Variants in STAU2 observed in about 807,000 individuals in gnomAD.
STAU2 encodes double-stranded RNA-binding protein Staufen homolog 2.
STAU2 carries 20 observed loss-of-function variants against 65.9 expected under a neutral mutation model. That is an observed-to-expected ratio of 0.30 (90% confidence interval 0.21 to 0.44). STAU2 has a LOEUF of 0.44. Ranked by LOEUF, STAU2 falls within the 20% of genes least tolerant of loss-of-function variation. The pLI is 1.00. For synonymous variants in STAU2, 232 were observed against 233.9 expected (o/e 0.99, Z 0.07); for missense variants, 558 against 683.9 (o/e 0.82, Z 2.05).
intron 12 of STAU2, among the ~76,000 whole-genome samples, chr8:73,572,560 T>C (rs1043382675): frequency 2.0e-5 from 3 of 152,172 alleles, no homozygotes; most frequent in Admixed American, 6.6e-5. Context: ...CACGATCAAG[T>C]TGGCTTCATC....
At chr8:73,727,174 G>A (rs1276567007) in intron 3 of STAU2, among the ~76,000 whole-genome samples, 1 of 152,174 alleles carries the variant, frequency 6.6e-6, no homozygotes, top group African/African-American at 2.4e-5. Flanking sequence ...AGGTTGCAGT[G>A]AGCTGAGATC....
chr8:73,629,369 T>C (rs972620151), intron 6 of STAU2, among the ~76,000 whole-genome samples: 8 of 152,322 alleles, frequency 5.3e-5, no homozygotes, highest in Non-Finnish European at 1.2e-4. Flanking sequence ...AATCTAAACA[T>C]ACATGCCAAG....
At chr8:73,422,860 G>C (rs1225557394) in intron 13 of STAU2, among the ~76,000 whole-genome samples, 158 bp from the exon 14 acceptor site, 1 of 152,156 alleles carries the variant, frequency 6.6e-6, no homozygotes, top group Non-Finnish European at 1.5e-5. Context: ...TGCATGATCA[G>C]GCAGCAGTGT....
intron 4 of STAU2, among the ~76,000 whole-genome samples, chr8:73,705,404 T>C (rs1051278899): frequency 1.3e-5 from 2 of 152,058 alleles, no homozygotes; most frequent in Non-Finnish European, 2.9e-5. Context: ...GTAAACCATC[T>C]CAAAGTATCA....
chr8:73,678,721 G>A (rs1818184864), intron 5 of STAU2, among the ~76,000 whole-genome samples: 1 of 152,168 alleles, frequency 6.6e-6, no homozygotes, highest in Non-Finnish European at 1.5e-5. Context: ...TTCTGAAGAG[G>A]CTTTTAAAAA....
At chr8:73,531,816 A>T (rs1207357068) in intron 13 of STAU2, among the ~76,000 whole-genome samples, 1 of 152,240 alleles carries the variant, frequency 6.6e-6, no homozygotes, top group East Asian at 1.9e-4. Flanking sequence ...CTGACTGGGT[A>T]AACTCTTTCT....
chr8:73,493,235 C>G (rs569638496), intron 13 of STAU2, among the ~76,000 whole-genome samples: 11 of 151,340 alleles, frequency 7.3e-5, no homozygotes. Flanking sequence ...AAAAAAGTTT[C>G]TTAAAGATAA....
chr8:73,677,333 C>T (rs1444681260), intron 5 of STAU2, among the ~76,000 whole-genome samples: 1 of 151,924 alleles, frequency 6.6e-6, no homozygotes, highest in Non-Finnish European at 1.5e-5. Context: ...TAACTATGAC[C>T]CAACAGTTCC....
chr8:73,583,123 C>T (rs576897459), intron 11 of STAU2, among the ~76,000 whole-genome samples: 8 of 151,676 alleles, frequency 5.3e-5, no homozygotes, highest in Non-Finnish European at 7.4e-5. Context: ...AATGTAAGCT[C>T]TAGCTAGGTG....
At chr8:73,712,590 A>G (rs1009370536) in intron 3 of STAU2, among the ~76,000 whole-genome samples, 6 of 152,242 alleles carry the variant, frequency 3.9e-5, no homozygotes, top group African/African-American at 1.4e-4. Context: ...TCATGAAAAA[A>G]GTTTATAAAA....
intron 6 of STAU2, among the ~76,000 whole-genome samples, chr8:73,654,831 C>T (rs996952386): frequency 1.5e-4 from 23 of 151,268 alleles, no homozygotes; most frequent in South Asian, 1.0e-3. Context: ...GGACTACAGG[C>T]GCGCGCCACC....
intron 1 of STAU2, among the ~76,000 whole-genome samples, chr8:73,744,996 A>G (rs1807173114): frequency 6.6e-6 from 1 of 152,236 alleles, no homozygotes; most frequent in South Asian, 2.1e-4. Context: ...ACAAATACAA[A>G]ACACTGGTTT....
intron 6 of STAU2, among the ~76,000 whole-genome samples, chr8:73,645,688 G>A (rs537479717): frequency 6.6e-6 from 1 of 152,270 alleles, no homozygotes; most frequent in African/African-American, 2.4e-5. Flanking sequence ...ATTGGCTTAT[G>A]GTTCTGCAGG....
intron 13 of STAU2, among the ~76,000 whole-genome samples, chr8:73,533,199 CTT>C (rs1437366772): frequency 6.6e-6 from 1 of 152,166 alleles, no homozygotes; most frequent in Non-Finnish European, 1.5e-5. Context: ...AGCAACCAAT[CTT>C]GATTTTTATA....
intron 6 of STAU2, among the ~76,000 whole-genome samples, chr8:73,657,315 A>G (rs1055958701): frequency 2.0e-5 from 3 of 152,246 alleles, no homozygotes; most frequent in Admixed American, 6.5e-5. Flanking sequence ...TCAAATCAAA[A>G]TATAACAAAC....
intron 3 of STAU2, among the ~76,000 whole-genome samples, chr8:73,717,622 T>TTG (rs1821340215): frequency 1.2e-4 from 18 of 150,056 alleles, no homozygotes; most frequent in African/African-American, 4.4e-4. Flanking sequence ...CTATTTGTCT[T>TTG]TTGTTGTTGT....
chr8:73,693,397 C>G (rs1302313496), intron 4 of STAU2, among the ~76,000 whole-genome samples: 5 of 150,516 alleles, frequency 3.3e-5, no homozygotes, highest in African/African-American at 1.2e-4. Flanking sequence ...ATGGCGTGAA[C>G]CCGGGAGGTG....
intron 13 of STAU2, among the ~76,000 whole-genome samples, chr8:73,470,108 A>C (rs867804720): frequency 6.6e-6 from 1 of 152,168 alleles, no homozygotes; most frequent in East Asian, 1.9e-4. Flanking sequence ...GGATGTGGTG[A>C]GGATCAACTC....
chr8:73,543,407 T>C (rs974912994), intron 13 of STAU2, among the ~76,000 whole-genome samples: 1 of 152,230 alleles, frequency 6.6e-6, no homozygotes, highest in African/African-American at 2.4e-5. Flanking sequence ...TTATCACATG[T>C]AAATTATACA....
Sources: gnomAD v4.1 joint callset for allele counts (sites outside exome capture counted in the v4.1 genomes callset) on GRCh38, gnomAD v4.1.1 for gene constraint, MANE v1.5 for transcripts, NCBI Gene and HGNC (gene_info 2026-07-23, HGNC 2026-07-21) for gene names.